TRMT11: variants seen among roughly 807,000 people sequenced by gnomAD.
TRMT11 encodes the protein tRNA methyltransferase 11.
A neutral mutation model predicts 62.8 loss-of-function variants in TRMT11; 53 were observed. The observed-to-expected ratio is 0.84, with a 90% CI of 0.68 to 1.06. TRMT11 has a LOEUF of 1.06. TRMT11 is among the 50% of genes least tolerant of loss of function. The pLI is 0.00. For missense variants in TRMT11, 556 were observed against 553.4 expected (o/e 1.00, Z -0.05); for synonymous variants, 188 against 190.3 (o/e 0.99, Z 0.10).
At chr6:126,258,071 A>G in the TRMT11 span, 3 of 1,114,790 alleles carry the variant, frequency 2.7e-6, no homozygotes, top group Non-Finnish European at 4.1e-6. Context: ...CCAGGAGTTC[A>G]TCCACGTCAA....
At chr6:126,015,745 T>C (rs1008113842) in intron 11 of TRMT11, among the ~76,000 whole-genome samples, 4 of 152,230 alleles carry the variant, frequency 2.6e-5, no homozygotes, top group East Asian at 1.9e-4. Flanking sequence ...TCATCTATCC[T>C]ATCCTTTTTT....
intron 21 of TRMT11, among the ~76,000 whole-genome samples, chr6:126,122,482 G>GT (rs761991390): frequency 6.6e-6 from 1 of 152,090 alleles, no homozygotes; most frequent in Non-Finnish European, 1.5e-5. Context: ...AATATTATAT[G>GT]TAAGAACTGA....
chr6:126,191,335 C>G (rs957514835), intron 1 of TRMT11, among the ~76,000 whole-genome samples: 3 of 151,852 alleles, frequency 2.0e-5, no homozygotes, highest in Non-Finnish European at 4.4e-5. Context: ...CTCATATATT[C>G]TGGTTATTAA....
At chr6:126,242,763 C>T in the TRMT11 span, among the ~76,000 whole-genome samples, 1 of 152,182 alleles carries the variant, frequency 6.6e-6, no homozygotes, top group African/African-American at 2.4e-5. Context: ...CCCTTCCTTA[C>T]ACCTCATACA....
At chr6:126,173,240 C>T (rs1778350016), upstream of TRMT11, among the ~76,000 whole-genome samples, 3 of 152,126 alleles carry the variant, frequency 2.0e-5, no homozygotes, top group South Asian at 4.1e-4. Context: ...ATGGTAGATG[C>T]TTTATATAAA....
At chr6:126,158,477 T>C (rs542157055) in intron 21 of TRMT11, among the ~76,000 whole-genome samples, 16 of 152,200 alleles carry the variant, frequency 1.1e-4, no homozygotes, top group Non-Finnish European at 2.2e-4. Context: ...AGGAAGCTCA[T>C]GTCTATTTCT....
intron 17 of TRMT11, among the ~76,000 whole-genome samples, chr6:126,082,258 T>A (rs1273970166): frequency 6.6e-6 from 1 of 152,170 alleles, no homozygotes; most frequent in Non-Finnish European, 1.5e-5. Context: ...ATGTATGTCC[T>A]ATTGTTTCTG....
At chr6:126,019,571 A>AT (rs1304377626) in intron 11 of TRMT11, among the ~76,000 whole-genome samples, 2 of 152,122 alleles carry the variant, frequency 1.3e-5, no homozygotes, top group African/African-American at 4.8e-5. Flanking sequence ...GAAGTAAAAA[A>AT]TTTTTTTCCT....
intron 17 of TRMT11, among the ~76,000 whole-genome samples, chr6:126,088,375 G>A (rs1489188746): frequency 6.6e-6 from 1 of 152,094 alleles, no homozygotes; most frequent in African/African-American, 2.4e-5. Flanking sequence ...GTACATTTGA[G>A]TCACCTGGAG....
At chr6:126,200,704 A>G (rs754385090) in intron 3 of TRMT11, among the ~76,000 whole-genome samples, 20 of 152,038 alleles carry the variant, frequency 1.3e-4, no homozygotes, top group Non-Finnish European at 2.8e-4. Context: ...ACAGGCGCCT[A>G]CCACCACGCC....
At chr6:126,086,935 A>G (rs1014379370) in intron 17 of TRMT11, among the ~76,000 whole-genome samples, 7 of 152,116 alleles carry the variant, frequency 4.6e-5, no homozygotes, top group African/African-American at 1.7e-4. Context: ...GCATACCTTT[A>G]TCATGGTATT....
the TRMT11 span, among the ~76,000 whole-genome samples, chr6:126,248,755 A>G: frequency 3.3e-4 from 50 of 152,176 alleles, no homozygotes; most frequent in Non-Finnish European, 1.6e-4. Context: ...TTCTTGATAA[A>G]TATTTGTTGA....
intron 17 of TRMT11, among the ~76,000 whole-genome samples, chr6:126,070,863 G>A (rs1776830610): frequency 6.6e-6 from 1 of 152,190 alleles, no homozygotes; most frequent in Non-Finnish European, 1.5e-5. Flanking sequence ...GAGATTAAGA[G>A]CTTGCCTAAC....
intron 21 of TRMT11, among the ~76,000 whole-genome samples, chr6:126,149,281 G>A (rs900644644): frequency 3.9e-5 from 6 of 152,172 alleles, no homozygotes; most frequent in African/African-American, 1.2e-4. Context: ...AAGTGTTGTT[G>A]TAGCTACTAT....
chr6:126,194,709 T>C (rs9482727), intron 1 of TRMT11, among the ~76,000 whole-genome samples: 14,839 of 152,186 alleles, frequency 0.098, 2,421 homozygotes, highest in African/African-American at 0.34. Context: ...ATTTGCTTTG[T>C]TTTCAAAAGA....
intron 1 of TRMT11, among the ~76,000 whole-genome samples, chr6:125,989,616 G>C (rs1790270543): frequency 6.6e-6 from 1 of 152,176 alleles, no homozygotes; most frequent in African/African-American, 2.4e-5. Flanking sequence ...CAATGGAGTG[G>C]TTAGACTGTG....
the TRMT11 span, among the ~76,000 whole-genome samples, chr6:126,255,131 A>G: frequency 3.0e-4 from 45 of 152,300 alleles, no homozygotes; most frequent in Non-Finnish European, 5.0e-4. Context: ...AGCCACTAAT[A>G]TGTCTATATT....
chr6:126,151,808 T>TTC (rs1491269975), intron 21 of TRMT11, among the ~76,000 whole-genome samples: 2 of 78,140 alleles, frequency 2.6e-5, no homozygotes, highest in East Asian at 3.1e-4. Flanking sequence ...TCTCTGTCTT[T>TTC]TCTTTCTTTC....
At chr6:126,044,137 T>A (rs1406326153), downstream of TRMT11, among the ~76,000 whole-genome samples, 1 of 152,066 alleles carries the variant, frequency 6.6e-6, no homozygotes, top group East Asian at 1.9e-4. Context: ...CCCATGCCTA[T>A]GTCCTGAATG....
Sources: allele counts gnomAD v4.1 joint callset (sites outside exome capture counted in the v4.1 genomes callset), GRCh38; gene constraint gnomAD v4.1.1; transcripts MANE v1.5; gene names NCBI Gene and HGNC (gene_info 2026-07-23, HGNC 2026-07-21).